Variants in RGS3 observed in about 807,000 individuals in gnomAD.
RGS3 encodes regulator of G protein signaling 3.
In RGS3, 80 loss-of-function variants were observed where a neutral mutation model predicts 132.6. That is an observed-to-expected ratio of 0.60 (90% confidence interval 0.50 to 0.73). The LOEUF (loss-of-function observed/expected upper bound fraction) is 0.73, where lower values mean the gene tolerates loss of function less well. Among genes scored for constraint, RGS3 ranks in the 30% least tolerant of loss-of-function variants. The pLI, the probability that RGS3 is intolerant of heterozygous loss-of-function variation, is 0.00. For missense variants in RGS3, 1,382 were observed against 1,530.8 expected (o/e 0.90, Z 1.62); for synonymous variants, 598 against 620.6 (o/e 0.96, Z 0.54).
At chr9:113,516,773 T>C (rs1831690593) in intron 15 of RGS3, among the ~76,000 whole-genome samples, 1 of 152,188 alleles carries the variant, frequency 6.6e-6, no homozygotes, top group African/African-American at 2.4e-5. Context: ...CACAGCTCAC[T>C]GTAACCTCAA....
intron 10 of RGS3, among the ~76,000 whole-genome samples, chr9:113,500,119 C>CA (rs1830823699): frequency 6.6e-6 from 1 of 152,226 alleles, no homozygotes; most frequent in Admixed American, 6.5e-5. Flanking sequence ...ATTCTGCACA[C>CA]AGGCCCTGAG....
exon 6 of RGS3, chr9:113,484,164 A>G (rs1367162409): frequency 1.4e-5 from 23 of 1,612,126 alleles, no homozygotes; most frequent in Non-Finnish European, 2.0e-5. Flanking sequence ...AAGATAGTAG[A>G]CTACGCCACC....
chr9:113,447,329 G>GTATATATGTATGTATATATATATATATA (rs1305095004), intron 1 of RGS3, among the ~76,000 whole-genome samples: 1 of 27,536 alleles, frequency 3.6e-5, no homozygotes, highest in Non-Finnish European at 7.5e-5. Context: ...GTATGTATAT[G>GTATATATGTATGTATATATATATATATA]TATATATATA....
At chr9:113,559,911 C>T (rs1173753520) in intron 19 of RGS3, among the ~76,000 whole-genome samples, 2 of 152,202 alleles carry the variant, frequency 1.3e-5, no homozygotes, top group Non-Finnish European at 2.9e-5. Flanking sequence ...GCAACAATGA[C>T]ATCATAGCAA....
chr9:113,455,435 G>A (rs1829344624), upstream of RGS3, among the ~76,000 whole-genome samples: 1 of 152,194 alleles, frequency 6.6e-6, no homozygotes, highest in South Asian at 2.1e-4. Flanking sequence ...CAGCCTAACT[G>A]CGAGGGTGCT....
chr9:113,522,293 A>G, intron 16 of RGS3: 1 of 152,200 alleles, frequency 6.6e-6, no homozygotes, highest in East Asian at 1.9e-4. Context: ...ATTAGCTCAC[A>G]TTGTGTGGCG....
chr9:113,583,887 A>C, exon 20 of RGS3: 1 of 1,614,058 alleles, frequency 6.2e-7, no homozygotes, highest in Non-Finnish European at 8.5e-7. Flanking sequence ...TCTCCCTGCC[A>C]GCCAAGGCCC....
rs560393146 is a variant in RGS3, at chr9:113,507,057, T to A, written c.1086-230T>A. ...CTTTCCTGTTGAAACTGGCCTGGCC[T>A]CAGGGTCCTTCTCAACCACTGCCCG... On this transcript the variant is annotated intron_variant, in intron 12 of 24. Transcript: ENST00000350696. The surrounding 1 kb of genome is among the most constrained non-coding windows in gnomAD (Gnocchi z 5.0). Among the ~76,000 whole-genome samples the A allele has an allele frequency of 6.6e-6, 1 of 152,338 alleles. No individual in the cohort carries two copies. Among genetic ancestry groups the A allele is most frequent in the Middle Eastern group, 3.4e-3 (1 of 294 alleles).
At chr9:113,594,202 G>C in intron 21 of RGS3, 1 of 1,612,972 alleles carries the variant, frequency 6.2e-7, no homozygotes, top group Non-Finnish European at 8.5e-7. Context: ...CCCAGGACGC[G>C]GGGTGGGGGA....
At chr9:113,542,605 C>G (rs1832948374) in intron 19 of RGS3, among the ~76,000 whole-genome samples, 1 of 152,122 alleles carries the variant, frequency 6.6e-6, no homozygotes, top group Admixed American at 6.5e-5. Flanking sequence ...CCTCAATGGC[C>G]CCTCTCTCAG....
At chr9:113,548,754 G>A (rs1307820030) in intron 19 of RGS3, among the ~76,000 whole-genome samples, 1 of 152,218 alleles carries the variant, frequency 6.6e-6, no homozygotes, top group African/African-American at 2.4e-5. Context: ...CAAGCCCAGA[G>A]AGAAGGGCCC....
chr9:113,447,321 A>ATATATATATATATG lies in RGS3; in HGVS notation c.-13+2395_-13+2396insATATATATATATGT, dbSNP rs1335631813. 1.3e-3 allele frequency among the ~76,000 whole-genome samples: 105 copies of ATATATATATATATG among 78,348 alleles called. 5 individuals carry two copies. Among genetic ancestry groups the ATATATATATATATG allele is most frequent in the Non-Finnish European group, 2.2e-3 (84 of 38,832 alleles). The allele number at this position is 78,348 out of a possible 152,430, so 51.4% of individuals were successfully genotyped here. ...GGTGTAAACCAATAAATTCTGATGT[A>ATATATATATATATG]TGTATATGTATATATATATATATAT... On this transcript the variant is annotated intron_variant, in intron 1 of 25. Coordinates refer to the RGS3 transcript ENST00000374140.
chr9:113,485,838 C>G, intron 7 of RGS3, 145 bp downstream of exon 5: 1 of 607,680 alleles, frequency 1.6e-6, no homozygotes, highest in Non-Finnish European at 2.9e-6. Flanking sequence ...GGCTGCCCCT[C>G]CTTGAGTCTC....
chr9:113,594,261 G>A (rs1377214528), intron 21 of RGS3, 169 bp from the exon 20 acceptor site: 3 of 1,608,878 alleles, frequency 1.9e-6, no homozygotes, highest in East Asian at 4.5e-5. Flanking sequence ...GCCCCAAGGT[G>A]GGGGGCCCTA....
intron 19 of RGS3, among the ~76,000 whole-genome samples, chr9:113,545,520 T>C (rs1833071438): frequency 6.6e-6 from 1 of 152,208 alleles, no homozygotes; most frequent in Admixed American, 6.5e-5. Flanking sequence ...GTGGACAGAC[T>C]GCCTTCTTCG....
At chr9:113,499,520 A>G (rs767708495) in intron 10 of RGS3, among the ~76,000 whole-genome samples, 1 of 152,226 alleles carries the variant, frequency 6.6e-6, no homozygotes, top group Non-Finnish European at 1.5e-5. Context: ...TGTAGTTCCT[A>G]ATAGTATTTT....
rs146320977 is a variant in RGS3, at chr9:113,513,545, C to T, written c.1478-913C>T. ...GTTTGCAGCTAACTTTTATCACACA[C>T]TTACTAGGTCCCAGGCACTGTTCTA... On this transcript the variant is annotated intron_variant, in intron 14 of 24. Coordinates refer to ENST00000350696, the Ensembl canonical transcript of RGS3. 6.0e-4 allele frequency among the ~76,000 whole-genome samples: 92 copies of T among 152,308 alleles called. No homozygotes were observed. In the East Asian group the frequency reaches 0.016, roughly 26 times the overall value.
intron 11 of RGS3, among the ~76,000 whole-genome samples, chr9:113,505,764 C>A (rs1484578595): frequency 1.3e-5 from 2 of 152,150 alleles, no homozygotes; most frequent in Admixed American, 6.5e-5. Flanking sequence ...GTTTCCCAAT[C>A]AGTTTGAACA....
Position 113,583,522 on chromosome 9 carries a change from TC to T in RGS3, c.2114del (p.Pro705HisfsTer130). ...AGGGAAGGGGCCTGGTGCCGAGGAT[TC>T]CCCACCCAGCAAGGAGCCCTCTCCT... On this transcript the variant is annotated frameshift_variant, in exon 20 of 25. Transcript: ENST00000350696. LOFTEE classifies it high-confidence loss of function. The T allele has an allele frequency of 6.2e-7, 1 of 1,614,076 alleles. No homozygotes were observed. The highest frequency in any genetic ancestry group is 8.5e-7 in the Non-Finnish European group (1 of 1,180,006).
Sources: allele counts gnomAD v4.1 joint callset (sites outside exome capture counted in the v4.1 genomes callset), GRCh38; gene constraint gnomAD v4.1.1; non-coding constraint Gnocchi (gnomAD v3.1); transcripts MANE v1.5; gene names NCBI Gene and HGNC (gene_info 2026-07-23, HGNC 2026-07-21).